CPS1: variants seen among roughly 807,000 people sequenced by gnomAD.
The protein encoded by CPS1 is carbamoyl-phosphate synthase [ammonia], mitochondrial.
Under a neutral mutation model 174.6 loss-of-function variants are expected in CPS1, and 109 were observed. That is an observed-to-expected ratio of 0.62 (90% CI 0.53 to 0.73). The LOEUF is 0.73. Among genes scored for constraint, CPS1 ranks in the 30% least tolerant of loss-of-function variants. The probability of loss-of-function intolerance (pLI) is 0.00; values close to 1 mark genes in which losing one functional copy is unlikely to be tolerated. For synonymous variants in CPS1, 637 were observed against 632.0 expected (o/e 1.01, Z -0.12); for missense variants, 1,689 against 1,821.9 (o/e 0.93, Z 1.33).
rs954507291 is a variant in CPS1, at chr2:210,678,590, CTTT to C, written c.*608_*610del. ...CATTTAGAGTATGGACTTTTCTTTT[CTTT>C]TTCTTTTTCTTTTTTTCTTTTTGAG... is the stretch of plus-strand genomic sequence containing the variant. On this transcript the variant is annotated 3_prime_UTR_variant, in exon 38 of 38. Coordinates refer to ENST00000233072, the MANE Select transcript of CPS1 (RefSeq NM_001875.5). 2.0e-5 allele frequency: 3 copies of C among 153,662 alleles called. No individual in the cohort carries two copies. Among genetic ancestry groups the C allele is most frequent in the African/African-American group, 7.4e-5 (3 of 40,726 alleles). The allele number at this position is 153,662 out of a possible 1,614,324, so 9.5% of individuals were successfully genotyped here.
At chr2:210,486,734 T>C (rs2105946510) in intron 1 of CPS1, among the ~76,000 whole-genome samples, 1 of 152,342 alleles carries the variant, frequency 6.6e-6, no homozygotes, top group East Asian at 1.9e-4. Flanking sequence ...GGTCTCGAAC[T>C]CTTGACCTCA....
chr2:210,652,799 T>C (rs1240923628), intron 28 of CPS1, among the ~76,000 whole-genome samples: 1 of 152,136 alleles, frequency 6.6e-6, no homozygotes, highest in African/African-American at 2.4e-5. Context: ...ATGAATAGCA[T>C]ATCACTTTAA....
At chr2:210,620,876 T>C (rs1319924519) in intron 21 of CPS1, among the ~76,000 whole-genome samples, 1 of 151,996 alleles carries the variant, frequency 6.6e-6, no homozygotes, top group East Asian at 1.9e-4. Flanking sequence ...ATAAAAACTA[T>C]ATCAACAGGT....
intron 19 of CPS1, 87 bp from the exon 20 acceptor site, chr2:210,612,030 T>C (rs1233116830): frequency 8.1e-7 from 1 of 1,236,562 alleles, no homozygotes; most frequent in Non-Finnish European, 1.2e-6. Context: ...ATTTGTTTTA[T>C]AAAATATATT....
chr2:210,565,261 A>ACTAGGC (rs995174642), intron 1 of CPS1, among the ~76,000 whole-genome samples: 4 of 152,100 alleles, frequency 2.6e-5, no homozygotes, highest in Non-Finnish European at 5.9e-5. Flanking sequence ...ATTTAGTATT[A>ACTAGGC]CTAGGCCGTA....
chr2:210,640,058 T>C lies in CPS1; in HGVS notation c.2958T>C (p.Ile986=). Residue 986 remains isoleucine (I), a splice_region_variant and synonymous_variant, in exon 24 of 38, where the codon ATT becomes ATC. Transcript: ENST00000233072. The part of the protein sequence containing the change: ...MMVLGCGPYH[I]GSSVEFDWCA... Reference sequence around the variant, plus strand: ...TGCTAGGCTGTGGTCCATATCACATTGGTAAAATAATAAATTATGTGTATA... The same window carrying C: ...TGCTAGGCTGTGGTCCATATCACATCGGTAAAATAATAAATTATGTGTATA... The C allele has an allele frequency of 1.9e-6, 3 of 1,587,968 alleles. No individual in the cohort carries two copies. Among genetic ancestry groups the C allele is most frequent in the Non-Finnish European group, 2.6e-6 (3 of 1,156,930 alleles).
intron 25 of CPS1, among the ~76,000 whole-genome samples, chr2:210,643,543 A>T (rs1001511264): frequency 3.9e-5 from 6 of 152,118 alleles, no homozygotes; most frequent in Non-Finnish European, 5.9e-5. Context: ...TCCGTGCTTT[A>T]TCTTTATTTT....
In CPS1 at chr2:210,639,196, A is replaced by T. The variant is rs1191587211; in HGVS notation, c.2876A>T (p.Tyr959Phe). The change falls in exon 23 of 38, where the codon TAT becomes TTT. Residue 959 changes from tyrosine (Y) to phenylalanine (F), a missense_variant. Coordinates refer to ENST00000233072, the MANE Select transcript of CPS1 (RefSeq NM_001875.5). The part of the protein sequence containing the change: ...AEYPSVTNYL[Y>F]VTYNGQEHDV... ...TACCCATCAGTAACAAACTATCTCTATGTTACCTACAATGGTCAGGTAGGA... is the reference window on the plus strand; with the variant it reads ...TACCCATCAGTAACAAACTATCTCTTTGTTACCTACAATGGTCAGGTAGGA... The T allele has an allele frequency of 1.2e-6, 2 of 1,612,814 alleles. No homozygotes were observed. The highest frequency in any genetic ancestry group is 2.7e-5 in the African/African-American group (2 of 74,906).
At chr2:210,506,945 A>G (rs957252626) in intron 1 of CPS1, among the ~76,000 whole-genome samples, 1 of 152,194 alleles carries the variant, frequency 6.6e-6, no homozygotes, top group African/African-American at 2.4e-5. Flanking sequence ...CAAGTTGGAA[A>G]ACACTCTGCA....
At chr2:210,654,637 G>C (rs968549196) in intron 29 of CPS1, among the ~76,000 whole-genome samples, 3 of 152,134 alleles carry the variant, frequency 2.0e-5, no homozygotes, top group African/African-American at 7.2e-5. Flanking sequence ...AAGGAGAAAT[G>C]AAAATGTGAA....
At chr2:210,525,677 G>GT (rs1039179854) in intron 1 of CPS1, among the ~76,000 whole-genome samples, 17 of 115,860 alleles carry the variant, frequency 1.5e-4, no homozygotes, top group African/African-American at 6.2e-4. Context: ...AAGCTCTTGA[G>GT]TCGTTTGGAG....
chr2:210,519,653 G>C (rs963232913), intron 1 of CPS1: 3 of 596,772 alleles, frequency 5.0e-6, no homozygotes, highest in Non-Finnish European at 6.3e-6. Context: ...TCCCAGCCTC[G>C]CTTGCATCTA....
intron 8 of CPS1, 72 bp from the exon 9 acceptor site, chr2:210,590,728 A>G: frequency 8.7e-7 from 1 of 1,148,306 alleles, no homozygotes; most frequent in East Asian, 2.4e-5. Flanking sequence ...AGGATACCTC[A>G]TTTTTGTTCA....
At chr2:210,659,317 G>T (rs558366397) in intron 31 of CPS1, among the ~76,000 whole-genome samples, 1 of 152,214 alleles carries the variant, frequency 6.6e-6, no homozygotes, top group South Asian at 2.1e-4. Flanking sequence ...GAGTGGGCAG[G>T]TGCAGAGGAA....
At position 210,639,210 on chromosome 2, in the gene CPS1, G is replaced by A. The variant is rs1163049424; in HGVS notation, c.2890G>A (p.Gly964Ser). Reference sequence around the variant, plus strand: ...AAACTATCTCTATGTTACCTACAATGGTCAGGTAGGAATGGGCAAATTGGC... The same window carrying A: ...AAACTATCTCTATGTTACCTACAATAGTCAGGTAGGAATGGGCAAATTGGC... ...VTNYLYVTYN[G>S]QEHDVNFDDH... Residue 964 changes from glycine (G) to serine (S), a missense_variant, in exon 23 of 38, where the codon GGT becomes AGT. By Grantham distance (56) the Gly-to-Ser change is moderately conservative. Coordinates refer to ENST00000233072, the MANE Select transcript of CPS1 (RefSeq NM_001875.5). 1.2e-6 allele frequency: 2 copies of A among 1,611,552 alleles called. No homozygotes were observed. The highest frequency in any genetic ancestry group is 8.5e-7 in the Non-Finnish European group (1 of 1,177,894).
In CPS1 at chr2:210,612,203, T is replaced by A. The variant is rs753630275; in HGVS notation, c.2478T>A (p.Arg826=). The part of the protein sequence containing the change: ...CHPSIEGFTP[R]LPMNKEWPSN... ...CATCTATAGAAGGTTTCACTCCCCGTCTCCCAATGAACAAAGAATGGCCAT... is the reference window on the plus strand; with the variant it reads ...CATCTATAGAAGGTTTCACTCCCCGACTCCCAATGAACAAAGAATGGCCAT... The change falls in exon 20 of 38, where the codon CGT becomes CGA. Residue 826 remains arginine, a synonymous_variant. Transcript: ENST00000233072. 6.2e-7 allele frequency: 1 copy of A among 1,612,152 alleles called. No individual in the cohort carries two copies. The highest frequency in any genetic ancestry group is 8.5e-7 in the Non-Finnish European group (1 of 1,178,858).
intron 21 of CPS1, among the ~76,000 whole-genome samples, chr2:210,622,122 A>G (rs897184781): frequency 1.0e-3 from 153 of 151,464 alleles, no homozygotes; most frequent in African/African-American, 3.5e-3. Context: ...TATACTTTTT[A>G]CTTTAGTAAA....
rs187788810 is a variant in CPS1 at position 210,502,339 on chromosome 2, A to G, written c.3+24573A>G. 2.4e-3 allele frequency among the ~76,000 whole-genome samples: 357 copies of G among 149,326 alleles called. 1 individual carries two copies. The highest frequency in any genetic ancestry group is 8.5e-3 in the African/African-American group (346 of 40,816). ...GCACACTGAAAGCTTCTAATCCACC[A>G]TCTTGGGAAAAAATAATCTCTCTCT... On this transcript the variant is annotated intron_variant, in intron 1 of 38. Transcript: ENST00000430249.
At chr2:210,477,721 C>G in exon 1 of CPS1, 2 of 1,609,908 alleles carry the variant, frequency 1.2e-6, no homozygotes, top group Admixed American at 1.7e-5. Flanking sequence ...AATGTAGTTG[C>G]TTTCTTAACC....
Sources: gnomAD v4.1 joint callset for allele counts (sites outside exome capture counted in the v4.1 genomes callset) on GRCh38, gnomAD v4.1.1 for gene constraint, MANE v1.5 for transcripts, NCBI Gene and HGNC (gene_info 2026-07-23, HGNC 2026-07-21) for gene names.